SYMPK: variants seen among roughly 807,000 people sequenced by gnomAD.
SYMPK encodes symplekin.
A neutral mutation model predicts 136.4 loss-of-function variants in SYMPK; 49 were observed. That is an observed-to-expected ratio of 0.36 (90% CI 0.29 to 0.46). The LOEUF (loss-of-function observed/expected upper bound fraction) is 0.46. Among genes scored for constraint, SYMPK ranks in the 20% least tolerant of loss-of-function variants. The probability of loss-of-function intolerance (pLI) is 1.00; values close to 1 mark genes in which losing one functional copy is unlikely to be tolerated. For missense variants in SYMPK, 1,365 were observed against 1,690.0 expected, an observed-to-expected ratio of 0.81 and a Z score of 3.37; for synonymous variants, 766 against 713.0, an observed-to-expected ratio of 1.07 and a Z score of -1.19.
rs758416084 is a variant in SYMPK at position 45,825,212 on chromosome 19, C to A, written c.2449G>T (p.Ala817Ser). 6.2e-7 allele frequency: 1 copy of A among 1,614,050 alleles called. No homozygotes were observed. The highest frequency in any genetic ancestry group is 2.2e-5 in the East Asian group (1 of 44,874). ...ELAAVYTEAI[A>S]DIKRTVLRVI... ...CTCAGCACCGTCCGCTTGATGTCGG[C>A]GATGGCTTCAGTGTACACGGCCGCC... The change falls in exon 18 of 27, where the codon GCC becomes TCC. Residue 817 changes from alanine to serine, a missense_variant. By Grantham distance (99) the Ala-to-Ser change is moderately conservative (BLOSUM62 1). Coordinates refer to ENST00000245934, the MANE Select transcript of SYMPK (RefSeq NM_004819.3).
In SYMPK at chr19:45,829,134, G is replaced by A. The variant is rs868797405; in HGVS notation, c.1821C>T (p.Phe607=). The part of the protein sequence containing the change: ...NSGLKAEVLS[F]ILEDVRARLD... ...GGCGGGCCCGCACATCCTCCAGGAT[G>A]AAGGACAGGACCTCCGCCTTCAGGC... is the stretch of plus-strand genomic sequence containing the variant. The change falls in exon 14 of 27, where the codon TTC becomes TTT. Residue 607 remains phenylalanine, a synonymous_variant. Transcript: ENST00000245934. 1.9e-6 allele frequency: 3 copies of A among 1,614,108 alleles called. No homozygotes were observed. The highest frequency in any genetic ancestry group is 1.7e-5 in the Admixed American group (1 of 60,014).
At chr19:45,854,551 A>G in intron 1 of SYMPK, 44 bp from the exon 2 acceptor site, 3 of 1,538,834 alleles carry the variant, frequency 1.9e-6, no homozygotes, top group Non-Finnish European at 2.7e-6. Context: ...TCAGGGAACC[A>G]GCGGATGGGC....
intron 1 of SYMPK, among the ~76,000 whole-genome samples, chr19:45,861,309 G>A (rs963244998): frequency 6.6e-6 from 1 of 152,020 alleles, no homozygotes; most frequent in Non-Finnish European, 1.5e-5. Flanking sequence ...TTTGGTTTAT[G>A]CTTTCAGTTT....
chr19:45,823,429 G>A lies in SYMPK; in HGVS notation c.2643C>T (p.Tyr881=), dbSNP rs1449392788. The part of the protein sequence containing the change: ...PELVKRVRDL[Y]HKRLPDVRFL... Reference sequence around the variant, plus strand: ...AGCGGACGTCTGGCAGTCGCTTGTGGTAGAGATCCCGGACCCGCTTCACCA... The same window carrying A: ...AGCGGACGTCTGGCAGTCGCTTGTGATAGAGATCCCGGACCCGCTTCACCA... The change falls in exon 20 of 27, where the codon TAC becomes TAT. Residue 881 remains tyrosine (Y), a synonymous_variant. Coordinates refer to ENST00000245934, the MANE Select transcript of SYMPK (RefSeq NM_004819.3). 6.2e-7 allele frequency: 1 copy of A among 1,613,932 alleles called. No individual in the cohort carries two copies. The highest frequency in any genetic ancestry group is 8.5e-7 in the Non-Finnish European group (1 of 1,180,036).
Position 45,831,365 on chromosome 19 carries a change from C to T in SYMPK, c.1598+19G>A. The T allele has an allele frequency of 6.6e-7, 1 of 1,515,408 alleles. No homozygotes were observed. The highest frequency in any genetic ancestry group is 8.9e-7 in the Non-Finnish European group (1 of 1,128,440). The allele number at this position is 1,515,408 out of a possible 1,614,324, so 93.9% of individuals were successfully genotyped here. ...GGGTAGGGCTCCTGTCCTGCCCTAG[C>T]ACCCAGAAGAGGACTCACCGGGGCT... On this transcript the variant is annotated intron_variant, in intron 12 of 26. Coordinates refer to ENST00000245934, the MANE Select transcript of SYMPK (RefSeq NM_004819.3).
In SYMPK at chr19:45,821,188, A is replaced by AG. The variant is rs1555793168; in HGVS notation, c.2893+195dup. The stretch of plus-strand genomic sequence containing the variant: ...GGGTAAAACCTGGGAGGAAGGAAGG[A>AG]GGAGGGAGGGAGGGAGGGAGGGAAG... On this transcript the variant is annotated intron_variant, in intron 22 of 26. Coordinates refer to ENST00000245934, the MANE Select transcript of SYMPK (RefSeq NM_004819.3). This position sits in a 1 kb window ranked among gnomAD's most constrained non-coding sequence, Gnocchi z 4.4. 23 of 379,462 alleles carry AG rather than the reference A, an allele frequency of 6.1e-5. No individual in the cohort carries two copies. The highest frequency in any genetic ancestry group is 1.5e-4 in the East Asian group (2 of 13,338). The allele number at this position is 379,462 out of a possible 1,614,324, so 23.5% of individuals were successfully genotyped here.
intron 7 of SYMPK, 70 bp downstream of exon 7, chr19:45,847,682 G>C: frequency 9.7e-6 from 15 of 1,545,680 alleles, no homozygotes; most frequent in Non-Finnish European, 1.3e-5. Flanking sequence ...AAGGGGGAGA[G>C]AGGGAGGGGC....
intron 12 of SYMPK, 85 bp downstream of exon 12, chr19:45,831,299 A>ACG: frequency 8.9e-7 from 1 of 1,127,732 alleles, no homozygotes; most frequent in Non-Finnish European, 1.2e-6. Flanking sequence ...ACACACGCAC[A>ACG]CGCACACGCA....
Position 45,825,324 on chromosome 19 carries a change from T to C in SYMPK, c.2337A>G (p.Ala779=). ...LFGADKDTEV[A]APWTEETVKQ... ...TCACTGTCTCCTCCGTCCAGGGTGC[T>C]GCCACCTCTGACAGGGCAGGAGCGG... Residue 779 remains alanine (A), a synonymous_variant, in exon 18 of 27, where the codon GCA becomes GCG. Coordinates refer to ENST00000245934, the MANE Select transcript of SYMPK (RefSeq NM_004819.3). The C allele has an allele frequency of 6.2e-7, 1 of 1,613,686 alleles. No individual in the cohort carries two copies. The highest frequency in any genetic ancestry group is 1.1e-5 in the South Asian group (1 of 91,058).
chr19:45,859,450 A>T (rs1971909711), intron 1 of SYMPK, among the ~76,000 whole-genome samples: 1 of 151,630 alleles, frequency 6.6e-6, no homozygotes, highest in South Asian at 2.1e-4. Flanking sequence ...ATACAAAAAA[A>T]TTACTTGGGC....
At chr19:45,823,133 G>A (rs1289589596) in intron 20 of SYMPK, among the ~76,000 whole-genome samples, 2 of 152,228 alleles carry the variant, frequency 1.3e-5, no homozygotes, top group Non-Finnish European at 2.9e-5. Context: ...TTGAGGTAGA[G>A]GAGGAAGCAG....
chr19:45,823,863 C>G lies in SYMPK; in HGVS notation c.2503G>C (p.Gly835Arg). The change falls in exon 19 of 27, where the codon GGC (glycine) becomes CGC (arginine). Residue 835 changes from glycine (G) to arginine (R), a missense_variant. By Grantham distance (125) the Gly-to-Arg change is moderately radical. This residue lies in a region of SYMPK where 92 missense variants were observed against 198.6 expected (regional missense o/e 0.46). Transcript: ENST00000245934. The stretch of plus-strand genomic sequence containing the variant: ...AGGAGCAGCTCCGGGGAGTTCATGC[C>G]CATTCCTCGGATCTAGAGGCAGAGA... ...RVIEQPIRGMGMNSPELLLLV... is the reference protein window; with the variant it reads ...RVIEQPIRGMRMNSPELLLLV... The G allele has an allele frequency of 6.2e-7, 1 of 1,613,956 alleles. No individual in the cohort carries two copies. The highest frequency in any genetic ancestry group is 8.5e-7 in the Non-Finnish European group (1 of 1,179,936).
intron 23 of SYMPK, 133 bp from the exon 24 acceptor site, chr19:45,817,107 C>T: frequency 1.1e-6 from 1 of 884,624 alleles, no homozygotes; most frequent in Non-Finnish European, 1.7e-6. Flanking sequence ...GGGCAACAAG[C>T]AGCCCCGACC....
rs1271998315 is a variant in SYMPK, at chr19:45,848,896, GGGGCGA to G, written c.300-26_300-21del. 1.2e-6 allele frequency: 2 copies of G among 1,613,588 alleles called. No homozygotes were observed. Among genetic ancestry groups the G allele is most frequent in the Non-Finnish European group, 1.7e-6 (2 of 1,179,946 alleles). ...CGCTTGCTGAGGGATGGAGAAAAAAGGGGCGAGGTCAAGGTGTGGTCTTAGAGCAAG... is the reference window on the plus strand; with the variant it reads ...CGCTTGCTGAGGGATGGAGAAAAAAGGGTCAAGGTGTGGTCTTAGAGCAAG... On this transcript the variant is annotated intron_variant, in intron 5 of 26. Coordinates refer to ENST00000245934, the MANE Select transcript of SYMPK (RefSeq NM_004819.3).
At chr19:45,844,392 G>C (rs1438634567) in intron 7 of SYMPK, among the ~76,000 whole-genome samples, 192 bp from the exon 8 acceptor site, 29 of 152,182 alleles carry the variant, frequency 1.9e-4, no homozygotes, top group Non-Finnish European at 1.5e-5. Context: ...GTTATAAGGG[G>C]CTAGACGCAG....
intron 21 of SYMPK, among the ~76,000 whole-genome samples, chr19:45,822,339 C>T (rs1459923047): frequency 1.3e-5 from 2 of 152,034 alleles, no homozygotes; most frequent in Admixed American, 6.5e-5. Context: ...AGGATGGTCT[C>T]GATCTCCTGA....
chr19:45,854,697 G>A (rs1971779729), intron 1 of SYMPK, 190 bp from the exon 2 acceptor site: 1 of 567,456 alleles, frequency 1.8e-6, no homozygotes, highest in Non-Finnish European at 3.2e-6. Flanking sequence ...CACGGGGCCT[G>A]TAACTTGGGG....
intron 21 of SYMPK, 80 bp downstream of exon 21, chr19:45,822,676 G>A: frequency 8.4e-7 from 1 of 1,196,210 alleles, no homozygotes; most frequent in Non-Finnish European, 1.2e-6. Flanking sequence ...TCTCCCTGAG[G>A]GGGGTGCCTG....
chr19:45,816,355 C>G (rs962150552), intron 25 of SYMPK, 127 bp downstream of exon 25: 39 of 1,324,500 alleles, frequency 2.9e-5, no homozygotes, highest in Non-Finnish European at 3.7e-5. Context: ...CCCTGGGAGA[C>G]GGGTGGCCCA....
Sources: gnomAD v4.1 joint callset for allele counts (sites outside exome capture counted in the v4.1 genomes callset) on GRCh38, gnomAD v4.1.1 for gene constraint, gnomAD v4.1.1 regional missense constraint, Gnocchi (gnomAD v3.1) non-coding constraint, MANE v1.5 for transcripts, NCBI Gene and HGNC (gene_info 2026-07-23, HGNC 2026-07-21) for gene names.